Variants in DPP6 observed in about 807,000 individuals in gnomAD.
The protein encoded by DPP6 is A-type potassium channel modulatory protein DPP6.
In DPP6, 69 loss-of-function variants were observed where a neutral mutation model predicts 122.6. That is an observed-to-expected ratio of 0.56 (90% CI 0.46 to 0.69). The LOEUF (loss-of-function observed/expected upper bound fraction) is 0.69. DPP6 is among the 30% of genes least tolerant of loss of function. The probability of loss-of-function intolerance (pLI) is 0.00; values close to 1 mark genes in which losing one functional copy is unlikely to be tolerated. For missense variants in DPP6, 928 were observed against 1,116.9 expected, an observed-to-expected ratio of 0.83 and a Z score of 2.41; for synonymous variants, 418 against 433.1, an observed-to-expected ratio of 0.97 and a Z score of 0.43.
intron 16 of DPP6, among the ~76,000 whole-genome samples, chr7:154,807,947 T>C (rs1400073029): frequency 6.6e-6 from 1 of 152,228 alleles, no homozygotes; most frequent in African/African-American, 2.4e-5. Context: ...CCAACCAGCA[T>C]ACACAAAAGA....
the DPP6 span, among the ~76,000 whole-genome samples, chr7:153,843,099 C>G: frequency 6.6e-6 from 1 of 150,868 alleles, no homozygotes; most frequent in African/African-American, 2.5e-5. Flanking sequence ...CGAGTGCATA[C>G]ACACACGAGT....
intron 1 of DPP6, among the ~76,000 whole-genome samples, chr7:154,266,574 G>A (rs778904211): frequency 2.0e-5 from 3 of 152,182 alleles, no homozygotes; most frequent in Non-Finnish European, 4.4e-5. Context: ...GCGAGATTCT[G>A]TCCCAAATAA....
chr7:154,389,132 A>G (rs1194098673), intron 1 of DPP6, among the ~76,000 whole-genome samples: 1 of 152,114 alleles, frequency 6.6e-6, no homozygotes, highest in African/African-American at 2.4e-5. Flanking sequence ...TATGTATCTG[A>G]TTTATGTAGA....
At chr7:153,834,449 G>C in the DPP6 span, among the ~76,000 whole-genome samples, 4 of 151,808 alleles carry the variant, frequency 2.6e-5, no homozygotes, top group African/African-American at 9.7e-5. Context: ...AATTTCCTGA[G>C]TCTCAGTTCA....
chr7:153,763,722 G>A, the DPP6 span, among the ~76,000 whole-genome samples: 13 of 152,170 alleles, frequency 8.5e-5, no homozygotes, highest in Non-Finnish European at 1.6e-4. Flanking sequence ...CGTAGTTTAC[G>A]TAACATTGAG....
At chr7:154,820,893 T>A (rs1799718492) in intron 16 of DPP6, among the ~76,000 whole-genome samples, 1 of 152,198 alleles carries the variant, frequency 6.6e-6, no homozygotes. Flanking sequence ...TAATAAAACT[T>A]GACAATTCAA....
At chr7:154,858,758 G>A (rs1401326232) in intron 17 of DPP6, among the ~76,000 whole-genome samples, 2 of 152,150 alleles carry the variant, frequency 1.3e-5, no homozygotes, top group Non-Finnish European at 2.9e-5. Flanking sequence ...CATACTCCAT[G>A]CACTGTGAGA....
At chr7:154,702,525 A>G (rs149762888) in intron 7 of DPP6, among the ~76,000 whole-genome samples, 1 of 152,394 alleles carries the variant, frequency 6.6e-6, no homozygotes, top group Non-Finnish European at 1.5e-5. Flanking sequence ...GGTTGCTGAT[A>G]TGGAGAAAGG....
At chr7:154,204,553 C>G (rs1238986001) in intron 1 of DPP6, among the ~76,000 whole-genome samples, 2 of 152,176 alleles carry the variant, frequency 1.3e-5, no homozygotes, top group Admixed American at 1.3e-4. Flanking sequence ...CCAGTGTGAA[C>G]ACACGGCAAA....
intron 1 of DPP6, among the ~76,000 whole-genome samples, chr7:153,952,625 C>A (rs971198432): frequency 2.6e-5 from 4 of 152,302 alleles, no homozygotes; most frequent in African/African-American, 7.2e-5. Context: ...CTTATGAGCA[C>A]CTTTGAATGA....
At chr7:153,769,411 C>G in the DPP6 span, among the ~76,000 whole-genome samples, 1 of 152,110 alleles carries the variant, frequency 6.6e-6, no homozygotes, top group Non-Finnish European at 1.5e-5. Flanking sequence ...AGTAGTGTTT[C>G]CAGTGAAAGT....
chr7:153,965,242 A>G (rs1355501151), intron 1 of DPP6, among the ~76,000 whole-genome samples: 1 of 151,986 alleles, frequency 6.6e-6, no homozygotes, highest in Non-Finnish European at 1.5e-5. Context: ...ATTAGTTCAC[A>G]TTTGAGAATG....
chr7:154,466,451 C>T (rs901402479), intron 2 of DPP6, among the ~76,000 whole-genome samples: 1 of 152,210 alleles, frequency 6.6e-6, no homozygotes, highest in East Asian at 1.9e-4. Context: ...GGTGAAGTCT[C>T]CCTTCCTGGC....
chr7:154,878,526 A>AT (rs1304573908), intron 20 of DPP6, among the ~76,000 whole-genome samples: 1 of 152,222 alleles, frequency 6.6e-6, no homozygotes, highest in African/African-American at 2.4e-5. Context: ...CTGCATTTTC[A>AT]TTCATCAGAA....
At chr7:154,105,793 G>C (rs1307677118) in intron 1 of DPP6, among the ~76,000 whole-genome samples, 1 of 152,028 alleles carries the variant, frequency 6.6e-6, no homozygotes. Context: ...GTGATTGTGA[G>C]GCCTCCCCAG....
chr7:154,104,933 C>G (rs7795555), intron 1 of DPP6, among the ~76,000 whole-genome samples: 9,839 of 152,162 alleles, frequency 0.065, 346 homozygotes, highest in Middle Eastern at 0.16. Context: ...TGGCACACCT[C>G]TGTGTGTGTG....
chr7:154,492,945 ACAGT>A (rs1160843911), intron 3 of DPP6, among the ~76,000 whole-genome samples: 1 of 152,182 alleles, frequency 6.6e-6, no homozygotes, highest in Non-Finnish European at 1.5e-5. Context: ...AAATAGAAAA[ACAGT>A]CAGTAAAAAT....
chr7:153,845,060 G>T, the DPP6 span, among the ~76,000 whole-genome samples: 1 of 152,082 alleles, frequency 6.6e-6, no homozygotes, highest in Admixed American at 6.5e-5. Context: ...ACTTTAAGAA[G>T]AATTGGCTTT....
At chr7:153,826,865 T>C in the DPP6 span, among the ~76,000 whole-genome samples, 4 of 141,744 alleles carry the variant, frequency 2.8e-5, no homozygotes, top group African/African-American at 7.7e-5. Flanking sequence ...CACACACACA[T>C]ATATATGCAT....
Sources: gnomAD v4.1 joint callset for allele counts (sites outside exome capture counted in the v4.1 genomes callset) on GRCh38, gnomAD v4.1.1 for gene constraint, MANE v1.5 for transcripts, NCBI Gene and HGNC (gene_info 2026-07-23, HGNC 2026-07-21) for gene names.